SLC22A15: variants seen among roughly 807,000 people sequenced by gnomAD.
The protein encoded by SLC22A15 is flipt 1.
SLC22A15 carries 45 observed loss-of-function variants against 62.7 expected under a neutral mutation model. The ratio of observed to expected loss-of-function variants is 0.72; its 90% CI spans 0.56 to 0.92. The LOEUF is 0.92. SLC22A15 is among the 40% of genes least tolerant of loss of function. SLC22A15 has a pLI of 0.00. For missense variants in SLC22A15, 622 were observed against 665.6 expected (o/e 0.93, Z 0.72); for synonymous variants, 264 against 267.0 (o/e 0.99, Z 0.11).
intron 2 of SLC22A15, among the ~76,000 whole-genome samples, chr1:116,006,967 C>T (rs966790039): frequency 6.6e-6 from 1 of 152,126 alleles, no homozygotes; most frequent in Admixed American, 6.5e-5. Context: ...CTTTCTCATT[C>T]CCATCATGTG....
At chr1:116,013,548 C>T (rs949480348) in intron 2 of SLC22A15, among the ~76,000 whole-genome samples, 4 of 152,076 alleles carry the variant, frequency 2.6e-5, no homozygotes, top group East Asian at 1.9e-4. Flanking sequence ...GATATGGCAG[C>T]GTTCCTCTTT....
intron 8 of SLC22A15, among the ~76,000 whole-genome samples, chr1:116,050,572 A>C (rs1658024232): frequency 6.6e-6 from 1 of 152,160 alleles, no homozygotes; most frequent in African/African-American, 2.4e-5. Context: ...CATACGAGGG[A>C]CATACCTCAA....
chr1:116,064,748 T>C (rs1475513632), intron 10 of SLC22A15, among the ~76,000 whole-genome samples: 2 of 152,176 alleles, frequency 1.3e-5, no homozygotes, highest in Non-Finnish European at 2.9e-5. Context: ...CTAATGCCAG[T>C]GTGCCCCATT....
Position 116,067,419 on chromosome 1 carries a change from T to C in SLC22A15, c.*311T>C, listed in dbSNP as rs1324144814. 2 of 272,592 alleles carry C rather than the reference T, an allele frequency of 7.3e-6. No individual in the cohort carries two copies. Among genetic ancestry groups the C allele is most frequent in the Non-Finnish European group, 1.4e-5 (2 of 145,074 alleles). 16.9% of individuals were successfully genotyped at this position (272,592 alleles called of 1,614,324 possible). On this transcript the variant is annotated 3_prime_UTR_variant, in exon 12 of 12. Coordinates refer to ENST00000369503, the MANE Select transcript of SLC22A15 (RefSeq NM_018420.3). ...GGTAGGCTCATTTGTTTCTAGAGATTTCATCATGTCGCTTTTCCTTCATCA... is the reference window on the plus strand; with the variant it reads ...GGTAGGCTCATTTGTTTCTAGAGATCTCATCATGTCGCTTTTCCTTCATCA...
At chr1:116,020,093 T>C (rs2101317355) in intron 3 of SLC22A15, among the ~76,000 whole-genome samples, 1 of 152,320 alleles carries the variant, frequency 6.6e-6, no homozygotes, top group Non-Finnish European at 1.5e-5. Context: ...CTACAGGACT[T>C]GGCATAGTGC....
At chr1:116,014,868 G>T (rs1048826976) in intron 2 of SLC22A15, among the ~76,000 whole-genome samples, 1 of 152,100 alleles carries the variant, frequency 6.6e-6, no homozygotes, top group African/African-American at 2.4e-5. Flanking sequence ...ACTAAGTATT[G>T]ACCAAAGGGG....
chr1:116,041,090 T>G (rs1657771867), intron 8 of SLC22A15, among the ~76,000 whole-genome samples: 1 of 152,178 alleles, frequency 6.6e-6, no homozygotes, highest in Non-Finnish European at 1.5e-5. Flanking sequence ...TTATGGCAGT[T>G]GTGGTCCTGC....
intron 2 of SLC22A15, among the ~76,000 whole-genome samples, chr1:116,014,637 G>A (rs1199325929): frequency 2.0e-5 from 3 of 152,038 alleles, no homozygotes; most frequent in African/African-American, 7.3e-5. Context: ...TTCATTCTGT[G>A]GCTTTAGAAT....
At chr1:115,983,222 TTC>T (rs1384784687) in intron 1 of SLC22A15, among the ~76,000 whole-genome samples, 6 of 152,258 alleles carry the variant, frequency 3.9e-5, no homozygotes, top group African/African-American at 1.4e-4. Flanking sequence ...CTTAATATTA[TTC>T]TGTTTTATTG....
chr1:116,056,253 A>G (rs1182300201), intron 8 of SLC22A15, among the ~76,000 whole-genome samples: 2 of 151,796 alleles, frequency 1.3e-5, no homozygotes, highest in East Asian at 1.9e-4. Flanking sequence ...GCATTCTTAT[A>G]CACCAATAAC....
At chr1:115,985,176 C>T (rs541762899) in intron 1 of SLC22A15, among the ~76,000 whole-genome samples, 15 of 152,298 alleles carry the variant, frequency 9.8e-5, no homozygotes, top group African/African-American at 3.6e-4. Context: ...GTGTCCTTTA[C>T]AGGTGTACCA....
chr1:115,978,104 T>C (rs1008987890), intron 1 of SLC22A15, among the ~76,000 whole-genome samples: 11 of 152,174 alleles, frequency 7.2e-5, no homozygotes, highest in Admixed American at 2.6e-4. Flanking sequence ...TGCCTGATCT[T>C]TATTTATAAC....
intron 11 of SLC22A15, 85 bp from the exon 12 acceptor site, chr1:116,066,934 T>C: frequency 9.0e-7 from 1 of 1,108,828 alleles, no homozygotes; most frequent in East Asian, 2.5e-5. Flanking sequence ...TAAATACATT[T>C]GTCAGTTGAA....
At chr1:116,009,554 G>C (rs78219632) in intron 2 of SLC22A15, among the ~76,000 whole-genome samples, 1 of 152,110 alleles carries the variant, frequency 6.6e-6, no homozygotes, top group Admixed American at 6.6e-5. Flanking sequence ...CACTTTAGCC[G>C]GTGTTCTTGA....
chr1:115,979,356 G>T (rs569171049), intron 1 of SLC22A15, among the ~76,000 whole-genome samples: 1 of 152,282 alleles, frequency 6.6e-6, no homozygotes, highest in South Asian at 2.1e-4. Context: ...TCAACTTTGA[G>T]ATAACTAAAG....
At chr1:116,014,496 G>A (rs2101249236) in intron 2 of SLC22A15, among the ~76,000 whole-genome samples, 1 of 152,312 alleles carries the variant, frequency 6.6e-6, no homozygotes, top group Middle Eastern at 3.4e-3. Flanking sequence ...AAGTCAGCCT[G>A]AGAGACTGAA....
Position 116,067,233 on chromosome 1 carries a change from A to G in SLC22A15, c.*125A>G, listed in dbSNP as rs1002596086. ...CTTGGCTTGAATGTACATAGATGGT[A>G]CCTGGCATGGACTGATGTTTTTAGG... On this transcript the variant is annotated 3_prime_UTR_variant, in exon 12 of 12. Transcript: ENST00000369503. The G allele has an allele frequency of 7.2e-5, 51 of 711,090 alleles. No individual in the cohort carries two copies. The highest frequency in any genetic ancestry group is 1.1e-4 in the Non-Finnish European group (45 of 413,866). The allele number at this position is 711,090 out of a possible 1,614,324, so 44.0% of individuals were successfully genotyped here.
At chr1:116,065,301 T>C in intron 10 of SLC22A15, among the ~76,000 whole-genome samples, 1 of 152,308 alleles carries the variant, frequency 6.6e-6, no homozygotes, top group East Asian at 1.9e-4. Flanking sequence ...GCAGTACATT[T>C]CCCTTCTCAG....
intron 4 of SLC22A15, among the ~76,000 whole-genome samples, chr1:116,024,862 G>A (rs1657013989): frequency 6.6e-6 from 1 of 152,132 alleles, no homozygotes; most frequent in Non-Finnish European, 1.5e-5. Context: ...AACTATACTT[G>A]GCAGGCCCCA....
Sources: allele counts gnomAD v4.1 joint callset (sites outside exome capture counted in the v4.1 genomes callset), GRCh38; gene constraint gnomAD v4.1.1; transcripts MANE v1.5; gene names NCBI Gene and HGNC (gene_info 2026-07-23, HGNC 2026-07-21).